The following HSPBAP1 variants were observed in gnomAD, a reference collection of about 807,000 sequenced individuals.
HSPBAP1 encodes the protein HSPB1 associated protein 1, also known as HSPB1-associated protein 1.
In HSPBAP1, 27 loss-of-function variants were observed where a neutral mutation model predicts 45.2. The ratio of observed to expected loss-of-function variants is 0.60; its 90% CI spans 0.44 to 0.82. The LOEUF is 0.82. HSPBAP1 is among the 40% of genes least tolerant of loss of function. The pLI, the probability that HSPBAP1 is intolerant of heterozygous loss-of-function variation, is 0.00. For synonymous variants in HSPBAP1, 204 were observed against 202.7 expected (o/e 1.01, Z -0.06); for missense variants, 510 against 590.9 (o/e 0.86, Z 1.42).
rs1410380379 is a variant in HSPBAP1, at chr3:122,793,748, G to A, written c.-68C>T. Reference sequence around the variant, plus strand: ...GAGCTGGGGTGGGGTCAGAGTAGGGGCCAAACTCCGAGACCCGAAGCTGCA... The same window carrying A: ...GAGCTGGGGTGGGGTCAGAGTAGGGACCAAACTCCGAGACCCGAAGCTGCA... On this transcript the variant is annotated 5_prime_UTR_variant, in exon 1 of 8. Coordinates refer to ENST00000306103, the MANE Select transcript of HSPBAP1 (RefSeq NM_024610.6). The A allele has an allele frequency of 2.1e-6, 3 of 1,452,930 alleles. No individual in the cohort carries two copies. Among genetic ancestry groups the A allele is most frequent in the Non-Finnish European group, 2.9e-6 (3 of 1,040,706 alleles). 90.0% of individuals were successfully genotyped at this position (1,452,930 alleles called of 1,614,324 possible).
chr3:122,749,847 T>G (rs1220249882), intron 6 of HSPBAP1, among the ~76,000 whole-genome samples: 1 of 152,070 alleles, frequency 6.6e-6, no homozygotes, highest in Non-Finnish European at 1.5e-5. Context: ...CCTGACCATG[T>G]GATCTGCCCG....
intron 1 of HSPBAP1, among the ~76,000 whole-genome samples, chr3:122,780,359 G>A (rs1454549085): frequency 2.6e-5 from 3 of 115,744 alleles, no homozygotes; most frequent in Non-Finnish European, 5.6e-5. Flanking sequence ...CCTCCCGGAC[G>A]GGGCGGCTGA....
chr3:122,772,019 T>C (rs1334037674), intron 2 of HSPBAP1, among the ~76,000 whole-genome samples: 1 of 152,232 alleles, frequency 6.6e-6, no homozygotes, highest in Non-Finnish European at 1.5e-5. Flanking sequence ...ACAACTGGCT[T>C]TTCTCTATGA....
rs1022043694 is a variant in HSPBAP1 at position 122,778,911 on chromosome 3, C to G, written c.65-1005G>C. 1.2e-4 allele frequency among the ~76,000 whole-genome samples: 19 copies of G among 152,146 alleles called. 1 individual carries two copies. On this transcript the variant is annotated intron_variant, in intron 1 of 7. Coordinates refer to ENST00000306103, the MANE Select transcript of HSPBAP1 (RefSeq NM_024610.6). ...TATCCTTCATAGTTCATTGAAAGTT[C>G]ACATCCCTTCTGTGAAAGCCAAACT...
chr3:122,750,107 C>T (rs36007695), intron 6 of HSPBAP1, among the ~76,000 whole-genome samples: 24,652 of 151,020 alleles, frequency 0.16, 2,077 homozygotes, highest in African/African-American at 0.2. Context: ...CCCGAATAGC[C>T]GGGATTACAG....
intron 5 of HSPBAP1, chr3:122,754,858 G>A (rs1560120924): frequency 7.1e-6 from 7 of 989,844 alleles, no homozygotes; most frequent in Non-Finnish European, 8.4e-6. Context: ...GAGGCATTCC[G>A]ACCTGTGTTT....
chr3:122,758,253 C>T (rs1261496477), intron 4 of HSPBAP1, among the ~76,000 whole-genome samples: 5 of 152,240 alleles, frequency 3.3e-5, no homozygotes, highest in Non-Finnish European at 7.3e-5. Flanking sequence ...GCTGCACATA[C>T]ATCTGAGTAC....
In HSPBAP1 at chr3:122,740,560, C is replaced by A; in HGVS notation, c.1252G>T (p.Val418Leu). The change falls in exon 8 of 8, where the codon GTG (valine) becomes TTG (leucine). Residue 418 changes from valine (V) to leucine (L), a missense_variant. Physicochemically the swap from Val to Leu is conservative, Grantham distance 32. Transcript: ENST00000306103. ...GIFGSDGKDF[V>L]DKDGEHFGKL... ...CCAAAGTGTTCTCCATCCTTGTCCA[C>A]AAAGTCTTTCCCATCACTTCCAAAT... The A allele has an allele frequency of 6.2e-7, 1 of 1,614,198 alleles. No homozygotes were observed.
chr3:122,776,138 G>A (rs1246953956), intron 2 of HSPBAP1, among the ~76,000 whole-genome samples: 1 of 152,170 alleles, frequency 6.6e-6, no homozygotes, highest in East Asian at 1.9e-4. Flanking sequence ...ATGGCTTAAG[G>A]GGTACTGGGC....
At position 122,777,764 on chromosome 3, in the gene HSPBAP1, G is replaced by T; in HGVS notation, c.207C>A (p.Gly69=). The change falls in exon 2 of 8, where the codon GGC becomes GGA. Residue 69 remains glycine (G), a synonymous_variant. Coordinates refer to ENST00000306103, the MANE Select transcript of HSPBAP1 (RefSeq NM_024610.6). The part of the protein sequence containing the change: ...NAKYLSQVLH[G]KQIRFRMGMK... ...TCCCCATTCTGAATCGTATCTGCTT[G>T]CCATGAAGGACCTGCGAAAGGTATT... 1.2e-6 allele frequency: 2 copies of T among 1,613,952 alleles called. No homozygotes were observed. The highest frequency in any genetic ancestry group is 2.2e-5 in the East Asian group (1 of 44,852).
At chr3:122,756,096 G>C (rs1447702743) in intron 4 of HSPBAP1, among the ~76,000 whole-genome samples, 1 of 152,136 alleles carries the variant, frequency 6.6e-6, no homozygotes, top group Admixed American at 6.5e-5. Context: ...TATGCCAATA[G>C]AGGGAAGACA....
rs78219516 is a variant in HSPBAP1 at position 122,763,462 on chromosome 3, G to GTT, written c.433-4104_433-4103dup. On this transcript the variant is annotated intron_variant, in intron 3 of 7. Transcript: ENST00000306103. ...GTTATACCCCAATAAAGCTGTGTGT[G>GTT]TTTTTTTTTAATACAATACTATTAG... Among the ~76,000 whole-genome samples the GTT allele has an allele frequency of 2.0e-4, 30 of 151,328 alleles. No individual in the cohort carries two copies. In the South Asian group the frequency reaches 5.2e-3, roughly 26 times the overall value.
chr3:122,790,422 A>G (rs1242316244), intron 1 of HSPBAP1, among the ~76,000 whole-genome samples: 2 of 152,098 alleles, frequency 1.3e-5, no homozygotes, highest in Non-Finnish European at 1.5e-5. Flanking sequence ...GGAAGCACAA[A>G]CCAACCCAAT....
intron 1 of HSPBAP1, among the ~76,000 whole-genome samples, chr3:122,785,187 G>A (rs1935612832): frequency 6.6e-6 from 1 of 152,220 alleles, no homozygotes; most frequent in South Asian, 2.1e-4. Flanking sequence ...TCATTCACAT[G>A]TGCTCCAGGG....
intron 5 of HSPBAP1, chr3:122,753,004 A>G (rs1382662441): frequency 9.7e-7 from 1 of 1,031,268 alleles, no homozygotes; most frequent in African/African-American, 1.7e-5. Context: ...AGTTGCGTGC[A>G]TTCTGAGAAA....
chr3:122,782,116 A>C (rs1286281591), intron 1 of HSPBAP1, among the ~76,000 whole-genome samples: 1 of 152,200 alleles, frequency 6.6e-6, no homozygotes, highest in South Asian at 2.1e-4. Context: ...ACTACTTCCT[A>C]AGTAGAGGAT....
Position 122,740,233 on chromosome 3 carries a change from T to C in HSPBAP1, c.*112A>G. The C allele has an allele frequency of 1.6e-6, 1 of 639,690 alleles. No homozygotes were observed. The highest frequency in any genetic ancestry group is 2.4e-6 in the Non-Finnish European group (1 of 411,412). The allele number at this position is 639,690 out of a possible 1,614,324, so 39.6% of individuals were successfully genotyped here. On this transcript the variant is annotated 3_prime_UTR_variant, in exon 8 of 8. Transcript: ENST00000306103. ...TGACATGTAATTCGGTAAGGATAAATACATTTACAAATGTGCAAACTGACC... is the reference window on the plus strand; with the variant it reads ...TGACATGTAATTCGGTAAGGATAAACACATTTACAAATGTGCAAACTGACC...
At chr3:122,790,703 T>G (rs1453345960) in intron 1 of HSPBAP1, among the ~76,000 whole-genome samples, 1 of 152,218 alleles carries the variant, frequency 6.6e-6, no homozygotes, top group Non-Finnish European at 1.5e-5. Context: ...ACTTTTCAGC[T>G]GGGCACAGTG....
Position 122,755,141 on chromosome 3 carries a change from G to A in HSPBAP1, c.741+119C>T, listed in dbSNP as rs542607706. On this transcript the variant is annotated intron_variant, in intron 5 of 7. Coordinates refer to ENST00000306103, the MANE Select transcript of HSPBAP1 (RefSeq NM_024610.6). ...GCTACCTTCCAACAGCAGAGCAGAG[G>A]GAAGGAAGCCATTCTCATTTGCACT... 2.7e-4 allele frequency: 322 copies of A among 1,204,514 alleles called. 2 individuals carry two copies. The South Asian group carries it at 9.2e-3, about 34-fold the overall frequency. 74.6% of individuals were successfully genotyped at this position (1,204,514 alleles called of 1,614,324 possible).
Sources: gnomAD v4.1 joint callset for allele counts (sites outside exome capture counted in the v4.1 genomes callset) on GRCh38, gnomAD v4.1.1 for gene constraint, MANE v1.5 for transcripts, NCBI Gene and HGNC (gene_info 2026-07-23, HGNC 2026-07-21) for gene names.